The following MLLT3 variants were observed in gnomAD, a reference collection of about 807,000 sequenced individuals.
The protein encoded by MLLT3 is MLLT3 super elongation complex subunit, also known as protein AF-9.
MLLT3 carries 4 observed loss-of-function variants against 53.2 expected under a neutral mutation model. The observed-to-expected ratio is 0.08, with a 90% CI of 0.04 to 0.17. The LOEUF is 0.17. MLLT3 is among the 10% of genes least tolerant of loss of function. The pLI is 1.00. For missense variants in MLLT3, 569 were observed against 684.0 expected, an observed-to-expected ratio of 0.83 and a Z score of 1.87; for synonymous variants, 283 against 230.6, an observed-to-expected ratio of 1.23 and a Z score of -2.06.
At chr9:20,613,379 C>T (rs1387118345) in intron 2 of MLLT3, among the ~76,000 whole-genome samples, 2 of 152,196 alleles carry the variant, frequency 1.3e-5, no homozygotes, top group South Asian at 2.1e-4. Context: ...TTGTAAGCAA[C>T]ATATATGTGC....
intron 2 of MLLT3, among the ~76,000 whole-genome samples, chr9:20,531,511 G>A (rs538437719): frequency 1.1e-4 from 16 of 152,146 alleles, no homozygotes; most frequent in Non-Finnish European, 1.8e-4. Flanking sequence ...TCTCTGTCAA[G>A]CAATTAATTG....
chr9:20,620,252 AACAC>A lies in MLLT3; in HGVS notation c.193+398_193+401del, dbSNP rs60526002. 0.24 allele frequency among the ~76,000 whole-genome samples: 34,756 copies of A among 142,294 alleles called. 4,306 individuals carry two copies. The highest frequency in any genetic ancestry group is 0.29 in the Non-Finnish European group (18,629 of 65,156). 93.4% of individuals were successfully genotyped at this position (142,294 alleles called of 152,430 possible). A position where few individuals can be genotyped will look rare whatever the true frequency, so the allele number is the denominator to read the frequency against. On this transcript the variant is annotated intron_variant, in intron 2 of 10. Coordinates refer to ENST00000380338, the MANE Select transcript of MLLT3 (RefSeq NM_004529.4). This position sits in a 1 kb window ranked among gnomAD's most constrained non-coding sequence, Gnocchi z 6.1. ...AGGTAAATCTTAATTTCTCTAGGAA[AACAC>A]ACACACACACACACACACACACACA... is the stretch of plus-strand genomic sequence containing the variant.
intron 5 of MLLT3, among the ~76,000 whole-genome samples, chr9:20,396,984 A>C (rs1473901681): frequency 1.3e-5 from 2 of 152,128 alleles, no homozygotes; most frequent in East Asian, 1.9e-4. Context: ...TTTAACTGAA[A>C]ATTTATAAAT....
rs763109861 is a variant in MLLT3 at position 20,620,636 on chromosome 9, T to C, written c.193+18A>G. The C allele has an allele frequency of 5.0e-6, 8 of 1,609,018 alleles. No homozygotes were observed. Among genetic ancestry groups the C allele is most frequent in the Non-Finnish European group, 5.9e-6 (7 of 1,176,564 alleles). On this transcript the variant is annotated intron_variant, in intron 2 of 10. Coordinates refer to ENST00000380338, the MANE Select transcript of MLLT3 (RefSeq NM_004529.4). The surrounding 1 kb of genome is among the most constrained non-coding windows in gnomAD (Gnocchi z 6.1). ...CAAAGACATTTTTTATCAAGACCCTTTTGTATTCGAGCCCTACCTCTTTTT... is the reference window on the plus strand; with the variant it reads ...CAAAGACATTTTTTATCAAGACCCTCTTGTATTCGAGCCCTACCTCTTTTT...
In MLLT3 at chr9:20,345,132, G is replaced by C. The variant is rs1820833997; in HGVS notation, c.*1311C>G. ...GGACAGATTTCTAGTTTCAAAACAAGGGTACAACAAGAACAAAAAAATCCC... is the reference window on the plus strand; with the variant it reads ...GGACAGATTTCTAGTTTCAAAACAACGGTACAACAAGAACAAAAAAATCCC... On this transcript the variant is annotated 3_prime_UTR_variant, in exon 11 of 11. Transcript: ENST00000380338. 4.5e-6 allele frequency: 1 copy of C among 223,050 alleles called. No homozygotes were observed. 13.8% of individuals were successfully genotyped at this position (223,050 alleles called of 1,614,324 possible). A position where few individuals can be genotyped will look rare whatever the true frequency, so the allele number is the denominator to read the frequency against.
chr9:20,366,293 G>A (rs893179521), intron 5 of MLLT3, among the ~76,000 whole-genome samples: 4 of 152,172 alleles, frequency 2.6e-5, no homozygotes, highest in Non-Finnish European at 5.9e-5. Flanking sequence ...AGAACATGCG[G>A]TGTTTGGTTT....
At chr9:20,528,590 T>C (rs1440721238) in intron 2 of MLLT3, among the ~76,000 whole-genome samples, 1 of 152,226 alleles carries the variant, frequency 6.6e-6, no homozygotes, top group East Asian at 1.9e-4. Context: ...CTTTTCCTGG[T>C]GGCCACGGAC....
intron 5 of MLLT3, among the ~76,000 whole-genome samples, chr9:20,405,367 T>C (rs1254680536): frequency 1.3e-5 from 2 of 152,260 alleles, no homozygotes; most frequent in Admixed American, 1.3e-4. Context: ...GGTCAGAGGA[T>C]GTCAGATGAT....
chr9:20,579,626 G>A (rs1819739361), intron 2 of MLLT3, among the ~76,000 whole-genome samples: 1 of 152,178 alleles, frequency 6.6e-6, no homozygotes, highest in Non-Finnish European at 1.5e-5. Flanking sequence ...CATTATGGAG[G>A]CACACAAAAT....
intron 2 of MLLT3, among the ~76,000 whole-genome samples, chr9:20,606,330 G>C (rs1047442467): frequency 6.6e-6 from 1 of 151,860 alleles, no homozygotes; most frequent in Admixed American, 6.6e-5. Context: ...AGGTGGGGGA[G>C]GGGTGAAGGC....
At chr9:20,545,459 G>T (rs1239613499) in intron 2 of MLLT3, among the ~76,000 whole-genome samples, 1 of 152,134 alleles carries the variant, frequency 6.6e-6, no homozygotes, top group Non-Finnish European at 1.5e-5. Flanking sequence ...CACACAGGGT[G>T]GGTGGAAGGA....
At chr9:20,388,475 C>A (rs1440825636) in intron 5 of MLLT3, among the ~76,000 whole-genome samples, 1 of 151,980 alleles carries the variant, frequency 6.6e-6, no homozygotes, top group Non-Finnish European at 1.5e-5. Flanking sequence ...ATAGTCCCAG[C>A]TACTCGGGAG....
chr9:20,584,499 G>A (rs1819895163), intron 2 of MLLT3, among the ~76,000 whole-genome samples: 1 of 152,088 alleles, frequency 6.6e-6, no homozygotes, highest in South Asian at 2.1e-4. Flanking sequence ...ACGCTGCTGG[G>A]AAGAAAAAAG....
At chr9:20,510,421 G>A (rs1587008419) in intron 2 of MLLT3, among the ~76,000 whole-genome samples, 1 of 152,010 alleles carries the variant, frequency 6.6e-6, no homozygotes, top group African/African-American at 2.4e-5. Flanking sequence ...GAGCAGCCTG[G>A]CCAACATGGT....
Position 20,350,550 on chromosome 9 carries a change from C to G in MLLT3, c.1575+2975G>C, listed in dbSNP as rs574179512. Among the ~76,000 whole-genome samples, 1,039 of 143,466 alleles carry G rather than the reference C, an allele frequency of 7.2e-3. 6 individuals are homozygous for G. Among genetic ancestry groups the G allele is most frequent in the Middle Eastern group, 0.017 (5 of 290 alleles). The allele number at this position is 143,466 out of a possible 152,430, so 94.1% of individuals were successfully genotyped here. On this transcript the variant is annotated intron_variant, in intron 10 of 10. Transcript: ENST00000380338. ...GCGGAGCTTGCAGTGAGCCGAGATC[C>G]CGCCACTGCACTCCAGCCTGGGCGA...
At chr9:20,455,911 T>A (rs112516559) in intron 3 of MLLT3, among the ~76,000 whole-genome samples, 1 of 150,284 alleles carries the variant, frequency 6.7e-6, no homozygotes, top group Non-Finnish European at 1.5e-5. Context: ...TTATGCCACA[T>A]ATGTACTGCT....
chr9:20,382,384 T>C (rs1242492009), intron 5 of MLLT3: 1 of 151,946 alleles, frequency 6.6e-6, no homozygotes, highest in Non-Finnish European at 1.5e-5. Context: ...TTCTCACCTC[T>C]TTCAAAAGAA....
intron 1 of MLLT3, 122 bp downstream of exon 1, chr9:20,622,123 A>G: frequency 8.5e-7 from 1 of 1,170,812 alleles, no homozygotes; most frequent in Admixed American, 2.5e-5. Flanking sequence ...AGCTCCCTGC[A>G]AGCCGTACCA....
In MLLT3 at chr9:20,342,864, A is replaced by G. The variant is rs1820771204; in HGVS notation, c.*3579T>C. The G allele has an allele frequency of 5.6e-6, 1 of 177,228 alleles. No individual in the cohort carries two copies. Among genetic ancestry groups the G allele is most frequent in the African/African-American group, 2.4e-5 (1 of 41,724 alleles). The allele number at this position is 177,228 out of a possible 1,614,324, so 11.0% of individuals were successfully genotyped here. Reference sequence around the variant, plus strand: ...TATATATATATATGTATATATAAATATAGGAGCAGTACATAGCATTAGTAC... The same window carrying G: ...TATATATATATATGTATATATAAATGTAGGAGCAGTACATAGCATTAGTAC... On this transcript the variant is annotated 3_prime_UTR_variant, in exon 11 of 11. Transcript: ENST00000380338.
Sources: allele counts gnomAD v4.1 joint callset (sites outside exome capture counted in the v4.1 genomes callset), GRCh38; gene constraint gnomAD v4.1.1; non-coding constraint Gnocchi (gnomAD v3.1); transcripts MANE v1.5; gene names NCBI Gene and HGNC (gene_info 2026-07-23, HGNC 2026-07-21).